OXNAD1: variants seen among roughly 807,000 people sequenced by gnomAD.
OXNAD1 encodes oxidoreductase NAD-binding domain-containing protein 1.
A neutral mutation model predicts 32.9 loss-of-function variants in OXNAD1; 34 were observed. The observed-to-expected ratio is 1.03, with a 90% CI of 0.79 to 1.38. The LOEUF is 1.38. Among genes scored for constraint, OXNAD1 ranks in the 40% most tolerant of loss-of-function variants. OXNAD1 has a pLI of 0.00. For synonymous variants in OXNAD1, 134 were observed against 135.2 expected, an observed-to-expected ratio of 0.99 and a Z score of 0.06; for missense variants, 407 against 379.4, an observed-to-expected ratio of 1.07 and a Z score of -0.60.
chr3:16,316,238 G>C lies in OXNAD1; in HGVS notation c.*30+12646G>C, dbSNP rs1051265135. 1 of 154,086 alleles carries C rather than the reference G, an allele frequency of 6.5e-6. No homozygotes were observed. The highest frequency in any genetic ancestry group is 1.4e-5 in the Non-Finnish European group (1 of 69,138). 9.5% of individuals were successfully genotyped at this position (154,086 alleles called of 1,614,324 possible). A position where few individuals can be genotyped will look rare whatever the true frequency, so the allele number is the denominator to read the frequency against. ...AGACAGAATTACTTCTTCATTTCCA[G>C]ATTACCAGTATCTATAGGACTATTT... On this transcript the variant is annotated intron_variant, in intron 9 of 9. Transcript: ENST00000435829. This position sits in a 1 kb window ranked among gnomAD's most constrained non-coding sequence, Gnocchi z 4.5.
intron 9 of OXNAD1, among the ~76,000 whole-genome samples, chr3:16,319,513 G>T (rs1487618166): frequency 6.6e-6 from 1 of 152,160 alleles, no homozygotes; most frequent in Non-Finnish European, 1.5e-5. Flanking sequence ...GATGTGAATA[G>T]CGCCCTCTGC....
intron 9 of OXNAD1, among the ~76,000 whole-genome samples, chr3:16,332,340 C>A (rs557608383): frequency 2.5e-5 from 2 of 78,590 alleles, no homozygotes; most frequent in East Asian, 5.4e-4. Flanking sequence ...ATTTTGTCTT[C>A]CAACTTTTAT....
At chr3:16,324,220 T>C (rs2069420153) in intron 9 of OXNAD1, among the ~76,000 whole-genome samples, 1 of 152,240 alleles carries the variant, frequency 6.6e-6, no homozygotes, top group African/African-American at 2.4e-5. Context: ...ATGTTTACAA[T>C]GTGGACTGAT....
At chr3:16,291,099 C>G (rs906461504) in intron 5 of OXNAD1, among the ~76,000 whole-genome samples, 1 of 152,052 alleles carries the variant, frequency 6.6e-6, no homozygotes, top group African/African-American at 2.4e-5. Flanking sequence ...GCTTGAAACC[C>G]AGGAGTTCTA....
In OXNAD1 at chr3:16,322,780, A is replaced by G. The variant is rs2069224244; in HGVS notation, c.*31-14332A>G. ...TGTGCGACTGTTTCTAGGGTAGTTC[A>G]GAGTCCGGAGAGGGGGAAAAGGGCC... On this transcript the variant is annotated intron_variant, in intron 9 of 9. Transcript: ENST00000435829. The surrounding 1 kb of genome is among the most constrained non-coding windows in gnomAD (Gnocchi z 6.2). Among the ~76,000 whole-genome samples the G allele has an allele frequency of 6.6e-6, 1 of 152,144 alleles. No homozygotes were observed. The highest frequency in any genetic ancestry group is 1.5e-5 in the Non-Finnish European group (1 of 68,014).
intron 4 of OXNAD1, among the ~76,000 whole-genome samples, chr3:16,281,660 G>T (rs2065747317): frequency 6.6e-6 from 1 of 152,022 alleles, no homozygotes; most frequent in Non-Finnish European, 1.5e-5. Context: ...CTTCCTCATT[G>T]AATTTTACAT....
downstream of OXNAD1, among the ~76,000 whole-genome samples, chr3:16,338,846 G>A (rs2071104892): frequency 6.6e-6 from 1 of 152,150 alleles, no homozygotes; most frequent in African/African-American, 2.4e-5. This position sits in a 1 kb window ranked among gnomAD's most constrained non-coding sequence, Gnocchi z 5.3. Flanking sequence ...TTTGGAGTTG[G>A]GGACCTGGGG....
In OXNAD1 at chr3:16,321,433, C is replaced by T. The variant is rs1450170581; in HGVS notation, c.*31-15679C>T. Among the ~76,000 whole-genome samples the T allele has an allele frequency of 6.6e-6, 1 of 152,132 alleles. No homozygotes were observed. The highest frequency in any genetic ancestry group is 2.1e-4 in the South Asian group (1 of 4,824). The stretch of plus-strand genomic sequence containing the variant: ...AGTGGGGGTGGTCCCAACATCCGGG[C>T]TGCAAGAGCTCAGGCATGATGAGGA... On this transcript the variant is annotated intron_variant, in intron 9 of 9. Coordinates refer to the OXNAD1 transcript ENST00000435829. This position sits in a 1 kb window ranked among gnomAD's most constrained non-coding sequence, Gnocchi z 4.8.
chr3:16,306,139 C>T (rs2067539954), downstream of OXNAD1: 1 of 152,204 alleles, frequency 6.6e-6, no homozygotes, highest in African/African-American at 2.4e-5. Context: ...ACATAAGACC[C>T]TTTCCCAGCC....
At chr3:16,296,767 A>T (rs1413165439) in intron 6 of OXNAD1, among the ~76,000 whole-genome samples, 1 of 152,238 alleles carries the variant, frequency 6.6e-6, no homozygotes, top group East Asian at 1.9e-4. Context: ...ACAATTTTGC[A>T]TCTAGATGCA....
rs1314572940 is a variant in OXNAD1 at position 16,306,046 on chromosome 3, T to C, written c.*2484T>C. 3.9e-5 allele frequency: 6 copies of C among 152,346 alleles called. No homozygotes were observed. In the East Asian group the frequency reaches 1.2e-3, roughly 29 times the overall value. 9.4% of individuals were successfully genotyped at this position (152,346 alleles called of 1,614,324 possible). On this transcript the variant is annotated 3_prime_UTR_variant, in exon 9 of 9. Transcript: ENST00000285083. ...GGTATTTCATAAATATTTGTTAATA[T>C]GCTCAGAGTTGATAAGCTGGATTAA...
chr3:16,301,791 A>G lies in OXNAD1; in HGVS notation c.598A>G (p.Asn200Asp). ...HAADLLREQA[N>D]KRNGYEIGTI... ...AGCAGATCTCCTCAGAGAGCAGGCA[A>G]ACAAAAGAAATGGATATGAGATAGG... is the stretch of plus-strand genomic sequence containing the variant. Residue 200 changes from asparagine to aspartate, a missense_variant, in exon 7 of 9, where the codon AAC becomes GAC. Coordinates refer to ENST00000285083, the MANE Select transcript of OXNAD1 (RefSeq NM_138381.5). This position sits in a 1 kb window ranked among gnomAD's most constrained non-coding sequence, Gnocchi z 4.1. 1 of 1,614,144 alleles carries G rather than the reference A, an allele frequency of 6.2e-7. No individual in the cohort carries two copies. The highest frequency in any genetic ancestry group is 8.5e-7 in the Non-Finnish European group (1 of 1,179,998).
chr3:16,296,028 TG>T (rs1253504559), intron 6 of OXNAD1, among the ~76,000 whole-genome samples: 1 of 151,852 alleles, frequency 6.6e-6, no homozygotes, highest in Non-Finnish European at 1.5e-5. Flanking sequence ...GGGAGTGGGG[TG>T]GGACTTACAG....
At chr3:16,282,299 A>C (rs550387960) in intron 4 of OXNAD1, among the ~76,000 whole-genome samples, 11 of 151,648 alleles carry the variant, frequency 7.3e-5, no homozygotes, top group Non-Finnish European at 1.5e-4. Flanking sequence ...GCTCTCCCTG[A>C]ACTCTCCCAT....
Position 16,342,966 on chromosome 3 carries a change from G to T in OXNAD1, c.*31-6210G>T, listed in dbSNP as rs553607071. On this transcript the variant is annotated intron_variant, in intron 9 of 9. Coordinates refer to the OXNAD1 transcript ENST00000606098. This position sits in a 1 kb window ranked among gnomAD's most constrained non-coding sequence, Gnocchi z 4.0. ...GTGAGCCTCCCACTACAGCCCCTCT[G>T]AGTCGCTGGGAATACAGGCACACAC... Among the ~76,000 whole-genome samples, 4 of 152,160 alleles carry T rather than the reference G, an allele frequency of 2.6e-5. No individual in the cohort carries two copies. The East Asian group carries it at 7.7e-4, about 29-fold the overall frequency.
At chr3:16,279,927 A>G (rs1431303917) in intron 4 of OXNAD1, among the ~76,000 whole-genome samples, 1 of 152,162 alleles carries the variant, frequency 6.6e-6, no homozygotes, top group Middle Eastern at 3.2e-3. Context: ...ATGGGGTGAA[A>G]GCTGGATTAA....
At chr3:16,311,715 C>T (rs1369979197) in intron 9 of OXNAD1, among the ~76,000 whole-genome samples, 1 of 152,176 alleles carries the variant, frequency 6.6e-6, no homozygotes, top group African/African-American at 2.4e-5. Flanking sequence ...CAGCCCCCAC[C>T]TAGACTAAAG....
At chr3:16,328,785 G>A (rs974572044) in intron 9 of OXNAD1, among the ~76,000 whole-genome samples, 7 of 152,154 alleles carry the variant, frequency 4.6e-5, no homozygotes, top group African/African-American at 1.2e-4. Context: ...GAGAACCATC[G>A]CCTAGGTAAT....
At chr3:16,338,739 CTTCT>C (rs1451321212), downstream of OXNAD1, among the ~76,000 whole-genome samples, 8 of 152,140 alleles carry the variant, frequency 5.3e-5, no homozygotes, top group African/African-American at 1.7e-4. This position sits in a 1 kb window ranked among gnomAD's most constrained non-coding sequence, Gnocchi z 5.3. Context: ...ATCTTTAGCC[CTTCT>C]TTCTGATTTT....
Sources: gnomAD v4.1 joint callset for allele counts (sites outside exome capture counted in the v4.1 genomes callset) on GRCh38, gnomAD v4.1.1 for gene constraint, Gnocchi (gnomAD v3.1) non-coding constraint, MANE v1.5 for transcripts, NCBI Gene and HGNC (gene_info 2026-07-23, HGNC 2026-07-21) for gene names.